BCL6B: variants seen among roughly 807,000 people sequenced by gnomAD.
The protein encoded by BCL6B is B-cell CLL/lymphoma 6 member B protein.
A neutral mutation model predicts 44.6 loss-of-function variants in BCL6B; 28 were observed. The observed-to-expected ratio is 0.63, with a 90% CI of 0.47 to 0.86. The LOEUF is 0.86. BCL6B is among the 40% of genes least tolerant of loss of function. The probability of loss-of-function intolerance (pLI) is 0.00; values close to 1 mark genes in which losing one functional copy is unlikely to be tolerated. For synonymous variants in BCL6B, 268 were observed against 263.6 expected (o/e 1.02, Z -0.16); for missense variants, 626 against 652.3 (o/e 0.96, Z 0.44).
chr17:7,025,038 T>A, intron 4 of BCL6B, 38 bp from the exon 5 acceptor site: 1 of 1,609,684 alleles, frequency 6.2e-7, no homozygotes, highest in South Asian at 1.1e-5. Flanking sequence ...CCCTCAACCG[T>A]ACAATCTCTT....
rs763808618 is a variant in BCL6B at position 7,029,400 on chromosome 17, A to G, written c.*1781A>G. On this transcript the variant is annotated 3_prime_UTR_variant, in exon 9 of 9. Coordinates refer to ENST00000293805, the MANE Select transcript of BCL6B (RefSeq NM_181844.4). ...GAATTTGTGGGGTAGAACTTCAACA[A>G]TAAGTCAGTTCTAGTGGCTGTCGCC... is the stretch of plus-strand genomic sequence containing the variant. The G allele has an allele frequency of 7.9e-5, 78 of 987,678 alleles. No homozygotes were observed. The highest frequency in any genetic ancestry group is 9.3e-5 in the Non-Finnish European group (77 of 826,704). The allele number at this position is 987,678 out of a possible 1,614,324, so 61.2% of individuals were successfully genotyped here. A position where few individuals can be genotyped will look rare whatever the true frequency, so the allele number is the denominator to read the frequency against.
In BCL6B at chr17:7,028,579, C is replaced by T. The variant is rs1910368924; in HGVS notation, c.*960C>T. On this transcript the variant is annotated 3_prime_UTR_variant, in exon 9 of 9. Coordinates refer to ENST00000293805, the MANE Select transcript of BCL6B (RefSeq NM_181844.4). ...TTGGGTTTGGCTCTGCTGTATCCAT[C>T]TATAGTGGTAGAGACCCACCAGGGC... is the stretch of plus-strand genomic sequence containing the variant. 1 of 844,336 alleles carries T rather than the reference C, an allele frequency of 1.2e-6. No individual in the cohort carries two copies. Among genetic ancestry groups the T allele is most frequent in the African/African-American group, 4.9e-5 (1 of 20,600 alleles). 52.3% of individuals were successfully genotyped at this position (844,336 alleles called of 1,614,324 possible).
chr17:7,024,160 C>T lies in BCL6B; in HGVS notation c.257C>T (p.Ala86Val), dbSNP rs546801346. 6.8e-6 allele frequency: 11 copies of T among 1,614,000 alleles called. No homozygotes were observed. The African/African-American group carries it at 9.3e-5, about 14-fold the overall frequency. ...DVLSLPGGPE[A>V]RGFAPLLDFM... ...CTCTCTCTGCCCGGGGGTCCCGAAG[C>T]GAGAGGCTTCGCCCCTCTATTGGAC... Residue 86 changes from alanine to valine, a missense_variant, in exon 3 of 9, where the codon GCG becomes GTG. Physicochemically the swap from Ala to Val is moderately conservative, Grantham distance 64 (BLOSUM62 0). Coordinates refer to ENST00000293805, the MANE Select transcript of BCL6B (RefSeq NM_181844.4). This position sits in a 1 kb window ranked among gnomAD's most constrained non-coding sequence, Gnocchi z 6.6.
Position 7,027,976 on chromosome 17 carries a change from G to C in BCL6B, c.*357G>C, listed in dbSNP as rs1910347565. 1 of 1,049,636 alleles carries C rather than the reference G, an allele frequency of 9.5e-7. No individual in the cohort carries two copies. Among genetic ancestry groups the C allele is most frequent in the Non-Finnish European group, 1.1e-6 (1 of 869,902 alleles). The allele number at this position is 1,049,636 out of a possible 1,614,324, so 65.0% of individuals were successfully genotyped here. A position where few individuals can be genotyped will look rare whatever the true frequency, so the allele number is the denominator to read the frequency against. Reference sequence around the variant, plus strand: ...TAAATATAATTTATTGAGGCCTTTGGGTGGCACCGGGGCCTTCATTCGATT... The same window carrying C: ...TAAATATAATTTATTGAGGCCTTTGCGTGGCACCGGGGCCTTCATTCGATT... On this transcript the variant is annotated 3_prime_UTR_variant, in exon 9 of 9. Transcript: ENST00000293805.
At chr17:7,027,197 C>T (rs1597341548) in intron 8 of BCL6B, 110 bp downstream of exon 8, 3 of 1,429,374 alleles carry the variant, frequency 2.1e-6, no homozygotes, top group Non-Finnish European at 2.8e-6. Context: ...TAGAAATGAG[C>T]GGTGGCCGGA....
At chr17:7,026,883 T>G (rs1393682817) in intron 7 of BCL6B, 48 bp downstream of exon 7, 1 of 1,610,958 alleles carries the variant, frequency 6.2e-7, no homozygotes, top group Non-Finnish European at 8.5e-7. Context: ...CTGCAAGAGG[T>G]GGGGTGGGCC....
At position 7,028,716 on chromosome 17, in the gene BCL6B, C is replaced by T; in HGVS notation, c.*1097C>T. On this transcript the variant is annotated 3_prime_UTR_variant, in exon 9 of 9. Transcript: ENST00000293805. ...TCAGAGATGATGTGACCTTTTCTGA[C>T]TCTGCCCAGTCTCTATGAATGTTAT... is the stretch of plus-strand genomic sequence containing the variant. 2.0e-6 allele frequency: 2 copies of T among 985,468 alleles called. No individual in the cohort carries two copies. The highest frequency in any genetic ancestry group is 2.4e-6 in the Non-Finnish European group (2 of 829,938). 61.0% of individuals were successfully genotyped at this position (985,468 alleles called of 1,614,324 possible).
chr17:7,028,724 A>G lies in BCL6B; in HGVS notation c.*1105A>G, dbSNP rs1910373223. On this transcript the variant is annotated 3_prime_UTR_variant, in exon 9 of 9. Coordinates refer to ENST00000293805, the MANE Select transcript of BCL6B (RefSeq NM_181844.4). ...GATGTGACCTTTTCTGACTCTGCCCAGTCTCTATGAATGTTATGGCCTAGG... is the reference window on the plus strand; with the variant it reads ...GATGTGACCTTTTCTGACTCTGCCCGGTCTCTATGAATGTTATGGCCTAGG... The G allele has an allele frequency of 1.0e-6, 1 of 985,372 alleles. No individual in the cohort carries two copies. The highest frequency in any genetic ancestry group is 6.1e-5 in the Admixed American group (1 of 16,272). 61.0% of individuals were successfully genotyped at this position (985,372 alleles called of 1,614,324 possible).
Position 7,026,606 on chromosome 17 carries a change from C to G in BCL6B, c.1039C>G (p.Arg347Gly). 6.2e-7 allele frequency: 1 copy of G among 1,614,138 alleles called. No individual in the cohort carries two copies. Among genetic ancestry groups the G allele is most frequent in the South Asian group, 1.1e-5 (1 of 91,086 alleles). The change falls in exon 6 of 9, where the codon CGT becomes GGT. Residue 347 changes from arginine to glycine, a missense_variant. Transcript: ENST00000293805. ...CTACAAGGGCAACCTTGCCAGTCAT[C>G]GTACAGTGCACACAGGTAGGGGAAG... is the stretch of plus-strand genomic sequence containing the variant. ...FRYKGNLASH[R>G]TVHTGEKPYH... is the part of the protein sequence containing the mutation.
chr17:7,028,121 T>C lies in BCL6B; in HGVS notation c.*502T>C, dbSNP rs1194230010. 4.1e-6 allele frequency: 4 copies of C among 986,680 alleles called. No homozygotes were observed. The highest frequency in any genetic ancestry group is 3.5e-5 in the African/African-American group (2 of 57,386). The allele number at this position is 986,680 out of a possible 1,614,324, so 61.1% of individuals were successfully genotyped here. A position where few individuals can be genotyped will look rare whatever the true frequency, so the allele number is the denominator to read the frequency against. On this transcript the variant is annotated 3_prime_UTR_variant, in exon 9 of 9. Transcript: ENST00000293805. ...TTGGCTCTCTCGTTTGGCTTGGGTA[T>C]TTTATATTATTTCTGTCATAACTTT...
rs1437386901 is a variant in BCL6B, at chr17:7,029,422, C to T, written c.*1803C>T. 2.3e-5 allele frequency: 23 copies of T among 1,019,154 alleles called. No individual in the cohort carries two copies. Among genetic ancestry groups the T allele is most frequent in the East Asian group, 1.0e-4 (1 of 9,840 alleles). 63.1% of individuals were successfully genotyped at this position (1,019,154 alleles called of 1,614,324 possible). A position where few individuals can be genotyped will look rare whatever the true frequency, so the allele number is the denominator to read the frequency against. On this transcript the variant is annotated 3_prime_UTR_variant, in exon 9 of 9. Coordinates refer to ENST00000293805, the MANE Select transcript of BCL6B (RefSeq NM_181844.4). The stretch of plus-strand genomic sequence containing the variant: ...ACAATAAGTCAGTTCTAGTGGCTGT[C>T]GCCTGGGGACTAGTGAGAAAGCTAC...
chr17:7,023,910 T>G, intron 2 of BCL6B, 60 bp downstream of exon 2: 15 of 1,578,144 alleles, frequency 9.5e-6, no homozygotes, highest in Non-Finnish European at 1.2e-5. Flanking sequence ...CACAGGGCCG[T>G]TGAGAGGGAA....
Position 7,026,504 on chromosome 17 carries a change from T to A in BCL6B, c.937T>A (p.Ser313Thr). The change falls in exon 6 of 9, where the codon TCA becomes ACA. Residue 313 changes from serine (S) to threonine (T), a missense_variant. Transcript: ENST00000293805. ...GAACTGTGAGGCTGTGGCAGGGTGC[T>A]CATCGGGGCTGGACTCCTTGGTTCC... ...CQNCEAVAGC[S>T]SGLDSLVPGD... The A allele has an allele frequency of 6.2e-7, 1 of 1,614,158 alleles. No individual in the cohort carries two copies. Among genetic ancestry groups the A allele is most frequent in the East Asian group, 2.2e-5 (1 of 44,886 alleles).
In BCL6B at chr17:7,028,727, C is replaced by T; in HGVS notation, c.*1108C>T. ...GTGACCTTTTCTGACTCTGCCCAGT[C>T]TCTATGAATGTTATGGCCTAGGGAA... On this transcript the variant is annotated 3_prime_UTR_variant, in exon 9 of 9. Coordinates refer to ENST00000293805, the MANE Select transcript of BCL6B (RefSeq NM_181844.4). The T allele has an allele frequency of 3.0e-6, 3 of 985,462 alleles. No homozygotes were observed. Among genetic ancestry groups the T allele is most frequent in the Non-Finnish European group, 3.6e-6 (3 of 829,954 alleles). The allele number at this position is 985,462 out of a possible 1,614,324, so 61.0% of individuals were successfully genotyped here.
chr17:7,027,175 C>T, intron 8 of BCL6B, 88 bp downstream of exon 8: 1 of 1,520,642 alleles, frequency 6.6e-7, no homozygotes, highest in South Asian at 1.2e-5. Context: ...GCCTGGCTGT[C>T]CCTAGATCTC....
intron 5 of BCL6B, 45 bp downstream of exon 5, chr17:7,025,245 G>T: frequency 6.2e-7 from 1 of 1,606,396 alleles, no homozygotes; most frequent in Non-Finnish European, 8.5e-7. Context: ...ACTGCTCCAG[G>T]CAAGTTTGTG....
At chr17:7,025,752 G>A (rs1910268536) in intron 5 of BCL6B, among the ~76,000 whole-genome samples, 1 of 148,944 alleles carries the variant, frequency 6.7e-6, no homozygotes, top group Non-Finnish European at 1.5e-5. Flanking sequence ...TGGAAGGATC[G>A]TCTGAACCCG....
rs772137435 is a variant in BCL6B, at chr17:7,024,322, G to A, written c.401+18G>A. Reference sequence around the variant, plus strand: ...CAGGCCAGGTGAGGGACCCTGGCTCGGCGTTCTCTGTGGGTGAGGTGTTAA... The same window carrying A: ...CAGGCCAGGTGAGGGACCCTGGCTCAGCGTTCTCTGTGGGTGAGGTGTTAA... On this transcript the variant is annotated intron_variant, in intron 3 of 8. Transcript: ENST00000293805. The surrounding 1 kb of genome is among the most constrained non-coding windows in gnomAD (Gnocchi z 6.6). The A allele has an allele frequency of 8.7e-6, 14 of 1,613,562 alleles. No homozygotes were observed. Among genetic ancestry groups the A allele is most frequent in the Admixed American group, 1.7e-5 (1 of 59,996 alleles).
At chr17:7,025,910 C>T (rs1035420181) in intron 5 of BCL6B, among the ~76,000 whole-genome samples, 3 of 151,244 alleles carry the variant, frequency 2.0e-5, no homozygotes, top group African/African-American at 7.3e-5. Flanking sequence ...CACCTACCAC[C>T]ACTGCTTTTA....
Sources: allele counts gnomAD v4.1 joint callset (sites outside exome capture counted in the v4.1 genomes callset), GRCh38; gene constraint gnomAD v4.1.1; non-coding constraint Gnocchi (gnomAD v3.1); transcripts MANE v1.5; gene names NCBI Gene and HGNC (gene_info 2026-07-23, HGNC 2026-07-21).